GFPT2: variants seen among roughly 807,000 people sequenced by gnomAD.
GFPT2 encodes the protein glutamine--fructose-6-phosphate aminotransferase [isomerizing] 2.
Under a neutral mutation model 85.6 loss-of-function variants are expected in GFPT2, and 62 were observed. That is an observed-to-expected ratio of 0.72 (90% CI 0.59 to 0.90). The LOEUF is 0.90. Ranked by LOEUF, GFPT2 falls within the 40% of genes least tolerant of loss-of-function variation. The pLI, the probability that GFPT2 is intolerant of heterozygous loss-of-function variation, is 0.00. For missense variants in GFPT2, 788 were observed against 893.4 expected (o/e 0.88, Z 1.50); for synonymous variants, 368 against 344.5 (o/e 1.07, Z -0.75).
chr5:180,303,680 G>T (rs548967884), intron 17 of GFPT2, among the ~76,000 whole-genome samples: 1 of 152,170 alleles, frequency 6.6e-6, no homozygotes, highest in East Asian at 1.9e-4. Flanking sequence ...TCACCTCCCC[G>T]AAACTTCATG....
intron 9 of GFPT2, 59 bp from the exon 10 acceptor site, chr5:180,319,015 G>GCC: frequency 1.3e-6 from 2 of 1,540,484 alleles, no homozygotes; most frequent in Admixed American, 1.7e-5. Flanking sequence ...CGAGGCAGCA[G>GCC]CCCCTTGCTG....
At position 180,317,023 on chromosome 5, in the gene GFPT2, C is replaced by G; in HGVS notation, c.994G>C (p.Glu332Gln). The G allele has an allele frequency of 6.2e-7, 1 of 1,611,460 alleles. No homozygotes were observed. The highest frequency in any genetic ancestry group is 8.5e-7 in the Non-Finnish European group (1 of 1,177,562). Residue 332 changes from glutamate (E) to glutamine (Q), a missense_variant, in exon 11 of 19, where the codon GAA becomes CAA. Transcript: ENST00000253778. ...FSAFMQKEIF[E>Q]QPESVFNTMR... ...GTATTGAAAACTGATTCTGGCTGTT[C>G]GAAGATCTCCTTCTGCATAAACGCA... is the stretch of plus-strand genomic sequence containing the variant.
At chr5:180,327,542 G>A (rs762448897) in intron 7 of GFPT2, among the ~76,000 whole-genome samples, 5 of 152,174 alleles carry the variant, frequency 3.3e-5, no homozygotes, top group Non-Finnish European at 7.3e-5. Context: ...CGGGCACAGG[G>A]CATCACTATC....
chr5:180,311,411 A>G (rs1373467406), intron 15 of GFPT2, among the ~76,000 whole-genome samples: 1 of 152,240 alleles, frequency 6.6e-6, no homozygotes, highest in Non-Finnish European at 1.5e-5. Context: ...GAATGAAGAA[A>G]GGGGAGGCCA....
chr5:180,304,028 A>G (rs1167977278), intron 17 of GFPT2, among the ~76,000 whole-genome samples: 1 of 152,128 alleles, frequency 6.6e-6, no homozygotes, highest in African/African-American at 2.4e-5. Context: ...CACATGGCCA[A>G]TGGTTCACTC....
chr5:180,317,201 C>G, intron 10 of GFPT2, 143 bp from the exon 11 acceptor site: 1 of 673,070 alleles, frequency 1.5e-6, no homozygotes, highest in East Asian at 2.7e-5. Flanking sequence ...CACTCACTAC[C>G]ATCAGAGGGA....
intron 4 of GFPT2, among the ~76,000 whole-genome samples, chr5:180,332,551 ATT>A (rs1169717982): frequency 6.6e-6 from 1 of 152,008 alleles, no homozygotes; most frequent in Non-Finnish European, 1.5e-5. Flanking sequence ...TACCATTATT[ATT>A]TTGAGACAGA....
At chr5:180,351,876 G>A (rs1333582328) in intron 1 of GFPT2, among the ~76,000 whole-genome samples, 1 of 152,188 alleles carries the variant, frequency 6.6e-6, no homozygotes, top group East Asian at 1.9e-4. Context: ...CCTGGTTCAA[G>A]GGTCTCCTGC....
rs560557641 is a variant in GFPT2 at position 180,315,030 on chromosome 5, C to A, written c.1274-1066G>T. ...GTGGTGGGCCGGATGGTCGGTGTAT[C>A]TGTACTGGTTTTTCTTCACTTGTCA... On this transcript the variant is annotated intron_variant, in intron 13 of 18. Transcript: ENST00000253778. 2.0e-5 allele frequency among the ~76,000 whole-genome samples: 3 copies of A among 152,270 alleles called. No individual in the cohort carries two copies. In the South Asian group the frequency reaches 6.2e-4, roughly 32 times the overall value.
At chr5:180,322,015 C>T (rs1213074866) in intron 9 of GFPT2, among the ~76,000 whole-genome samples, 3 of 151,998 alleles carry the variant, frequency 2.0e-5, no homozygotes, top group African/African-American at 7.2e-5. Flanking sequence ...TCTCGATCTC[C>T]TGATCTCATG....
intron 15 of GFPT2, among the ~76,000 whole-genome samples, chr5:180,312,172 AGGGAGGCTGAGGACCAGGGAGGCG>A (rs1763905955): frequency 2.0e-5 from 1 of 50,642 alleles, no homozygotes. Flanking sequence ...CCAGGGAGGC[AGGGAGGCTGAGGACCAGGGAGGCG>A]GGGAGGCAGG....
intron 1 of GFPT2, among the ~76,000 whole-genome samples, chr5:180,345,859 A>G (rs1307380591): frequency 1.3e-5 from 2 of 152,190 alleles, no homozygotes; most frequent in African/African-American, 4.8e-5. Context: ...CAAGGACAAG[A>G]GGGACACAGA....
chr5:180,348,132 G>T (rs533241564), intron 1 of GFPT2, among the ~76,000 whole-genome samples: 4 of 152,300 alleles, frequency 2.6e-5, no homozygotes, highest in African/African-American at 9.6e-5. Flanking sequence ...GAACTGAAGG[G>T]GCTGACCTTT....
At chr5:180,317,529 G>A (rs149727217) in intron 10 of GFPT2, among the ~76,000 whole-genome samples, 11,523 of 145,356 alleles carry the variant, frequency 0.079, 670 homozygotes, top group Middle Eastern at 0.14. Flanking sequence ...GGAGGCCGAG[G>A]CGGGCGGATC....
Position 180,318,721 on chromosome 5 carries a change from C to A in GFPT2, c.958+72G>T. ...GGCTGTGGCCTCTACTAGGACCAGGCAGAGTGTCAGGAGCTCCACCAGGCG... is the reference window on the plus strand; with the variant it reads ...GGCTGTGGCCTCTACTAGGACCAGGAAGAGTGTCAGGAGCTCCACCAGGCG... On this transcript the variant is annotated intron_variant, in intron 10 of 18. Coordinates refer to ENST00000253778, the MANE Select transcript of GFPT2 (RefSeq NM_005110.4). This position sits in a 1 kb window ranked among gnomAD's most constrained non-coding sequence, Gnocchi z 4.2. 1 of 1,312,196 alleles carries A rather than the reference C, an allele frequency of 7.6e-7. No homozygotes were observed. The highest frequency in any genetic ancestry group is 1.1e-6 in the Non-Finnish European group (1 of 927,890). 81.3% of individuals were successfully genotyped at this position (1,312,196 alleles called of 1,614,324 possible).
At chr5:180,350,332 G>A (rs1764690385) in intron 1 of GFPT2, among the ~76,000 whole-genome samples, 1 of 152,192 alleles carries the variant, frequency 6.6e-6, no homozygotes, top group South Asian at 2.1e-4. Flanking sequence ...TCCCAATTTT[G>A]TACTTTGGTA....
At chr5:180,346,743 CCT>C (rs1159013234) in intron 1 of GFPT2, among the ~76,000 whole-genome samples, 2 of 152,204 alleles carry the variant, frequency 1.3e-5, no homozygotes, top group African/African-American at 2.4e-5. Context: ...TCTTTTCCCT[CCT>C]CTGAACCCCT....
rs1019476330 is a variant in GFPT2 at position 180,346,848 on chromosome 5, G to A, written c.7+6363C>T. On this transcript the variant is annotated intron_variant, in intron 1 of 18. Transcript: ENST00000253778. ...AGCCTCCACTCCCAGGGCTGCCCAC[G>A]GCGTAAGAAAGGCATCACTGGCAGG... Among the ~76,000 whole-genome samples, 4 of 152,320 alleles carry A rather than the reference G, an allele frequency of 2.6e-5. 1 individual carries two copies. The South Asian group carries it at 8.3e-4, about 32-fold the overall frequency.
In GFPT2 at chr5:180,312,487, G is replaced by C. The variant is rs1581370788; in HGVS notation, c.1489C>G (p.Arg497Gly). The C allele has an allele frequency of 4.3e-6, 7 of 1,611,832 alleles. No homozygotes were observed. In the Admixed American group the frequency reaches 5.0e-5, roughly 12 times the overall value. The change falls in exon 15 of 19, where the codon CGA (arginine) becomes GGA (glycine). Residue 497 changes from arginine (R) to glycine (G), a missense_variant. Transcript: ENST00000253778. ...VMFGLMMSED[R>G]ISLQNRRQEI... ...TGCCTCCTGTTTTGTAGTGAAATTC[G>C]GTCTTCAGACATCATCAAACCAAAC... is the stretch of plus-strand genomic sequence containing the variant.
Sources: gnomAD v4.1 joint callset for allele counts (sites outside exome capture counted in the v4.1 genomes callset) on GRCh38, gnomAD v4.1.1 for gene constraint, Gnocchi (gnomAD v3.1) non-coding constraint, MANE v1.5 for transcripts, NCBI Gene and HGNC (gene_info 2026-07-23, HGNC 2026-07-21) for gene names.